The following CCDC171 variants were observed in gnomAD, a reference collection of about 807,000 sequenced individuals.
The protein encoded by CCDC171 is coiled-coil domain containing 171, also known as coiled-coil domain-containing protein 171.
CCDC171 carries 177 observed loss-of-function variants against 168.2 expected under a neutral mutation model. That is an observed-to-expected ratio of 1.05 (90% CI 0.93 to 1.19). CCDC171 has a LOEUF of 1.19. Ranked by LOEUF, CCDC171 falls within the 50% of genes most tolerant of loss-of-function variation. The probability of loss-of-function intolerance (pLI) is 0.00; values close to 1 mark genes in which losing one functional copy is unlikely to be tolerated. For missense variants in CCDC171, 1,991 were observed against 1,539.0 expected, an observed-to-expected ratio of 1.29 and a Z score of -4.91; for synonymous variants, 687 against 540.8, an observed-to-expected ratio of 1.27 and a Z score of -3.75.
chr9:15,745,428 TA>T, intron 17 of CCDC171, 86 bp from the exon 18 acceptor site: 1 of 745,624 alleles, frequency 1.3e-6, no homozygotes, highest in East Asian at 3.0e-5. Flanking sequence ...ATCTGTTTCT[TA>T]AATAGCTGAA....
chr9:15,606,357 A>C (rs2043225524), intron 6 of CCDC171, among the ~76,000 whole-genome samples: 1 of 152,230 alleles, frequency 6.6e-6, no homozygotes, highest in African/African-American at 2.4e-5. Context: ...TTCTTCGTGT[A>C]AATGCCTAGA....
chr9:16,000,131 G>T (rs1048798751), intron 3 of CCDC171, among the ~76,000 whole-genome samples: 3 of 152,268 alleles, frequency 2.0e-5, no homozygotes, highest in African/African-American at 7.2e-5. Flanking sequence ...CATCATATGA[G>T]AGTCACATTG....
At chr9:15,763,163 G>T (rs1418730284) in intron 18 of CCDC171, among the ~76,000 whole-genome samples, 1 of 152,186 alleles carries the variant, frequency 6.6e-6, no homozygotes, top group African/African-American at 2.4e-5. Context: ...GACACATAGG[G>T]TGAAGTCTGG....
chr9:15,625,662 T>C (rs557283827), intron 7 of CCDC171, among the ~76,000 whole-genome samples: 48 of 152,360 alleles, frequency 3.2e-4, no homozygotes, highest in Non-Finnish European at 4.9e-4. Context: ...CTCTGTTCTG[T>C]TCCATTGGTC....
At chr9:16,012,246 T>C (rs1211543194) in intron 3 of CCDC171, among the ~76,000 whole-genome samples, 1 of 152,200 alleles carries the variant, frequency 6.6e-6, no homozygotes, top group Non-Finnish European at 1.5e-5. Context: ...ATGTGGCCTG[T>C]CTTTTTTTGC....
At chr9:15,626,471 G>A (rs199682036) in intron 7 of CCDC171, among the ~76,000 whole-genome samples, 1 of 151,962 alleles carries the variant, frequency 6.6e-6, no homozygotes, top group Admixed American at 6.6e-5. Flanking sequence ...AGCTCTTATT[G>A]TTTTGATATA....
intron 24 of CCDC171, chr9:15,875,779 T>A (rs745572528): frequency 3.3e-5 from 5 of 152,012 alleles, no homozygotes; most frequent in Non-Finnish European, 7.4e-5. Context: ...AGGAAAAAAA[T>A]ACTCATTGCT....
At chr9:15,660,500 G>A (rs939687770) in intron 8 of CCDC171, among the ~76,000 whole-genome samples, 2 of 152,118 alleles carry the variant, frequency 1.3e-5, no homozygotes, top group South Asian at 4.2e-4. Context: ...AGTCCCCAGT[G>A]TGTATTGCTG....
intron 10 of CCDC171, among the ~76,000 whole-genome samples, chr9:15,682,807 T>G (rs1312007550): frequency 6.6e-6 from 1 of 151,948 alleles, no homozygotes; most frequent in African/African-American, 2.4e-5. Context: ...ATAAAAAGTT[T>G]TGATTGGAAA....
At chr9:15,657,845 G>A (rs903282163) in intron 8 of CCDC171, among the ~76,000 whole-genome samples, 16 of 152,268 alleles carry the variant, frequency 1.1e-4, no homozygotes, top group Non-Finnish European at 2.1e-4. Flanking sequence ...TATCCTTTTT[G>A]CTATGCTTTA....
intron 3 of CCDC171, among the ~76,000 whole-genome samples, chr9:15,994,662 T>C (rs1832313453): frequency 6.6e-6 from 1 of 152,218 alleles, no homozygotes; most frequent in Admixed American, 6.5e-5. Context: ...CTCTAGTCCT[T>C]CAGTAAGCCC....
chr9:15,976,178 T>C (rs1831614045), downstream of CCDC171, among the ~76,000 whole-genome samples: 2 of 152,200 alleles, frequency 1.3e-5, no homozygotes, highest in African/African-American at 4.8e-5. Context: ...TGTGGTAATT[T>C]GTGGCAATAT....
intron 4 of CCDC171, chr9:15,587,518 T>A (rs1020457574): frequency 1.8e-5 from 7 of 383,784 alleles, no homozygotes; most frequent in African/African-American, 6.3e-5. Flanking sequence ...CTCTTTCTTT[T>A]GTAAATTGCC....
At chr9:15,783,838 A>G (rs566971231) in intron 20 of CCDC171, among the ~76,000 whole-genome samples, 1 of 152,130 alleles carries the variant, frequency 6.6e-6, no homozygotes, top group South Asian at 2.1e-4. Flanking sequence ...ATATATGAGT[A>G]TTATTTCATT....
intron 1 of CCDC171, among the ~76,000 whole-genome samples, chr9:15,562,798 G>C (rs558835999): frequency 3.3e-5 from 5 of 152,178 alleles, no homozygotes; most frequent in Admixed American, 3.3e-4. Flanking sequence ...ATTCCTTCTG[G>C]GTTCTAACTC....
intron 21 of CCDC171, among the ~76,000 whole-genome samples, chr9:15,799,984 A>G (rs1442029664): frequency 6.6e-6 from 1 of 152,122 alleles, no homozygotes; most frequent in African/African-American, 2.4e-5. Context: ...GTAATACTCT[A>G]TTGTGTATAA....
chr9:15,724,849 C>G lies in CCDC171; in HGVS notation c.1565C>G (p.Ala522Gly). The change falls in exon 14 of 26, where the codon GCT (alanine) becomes GGT (glycine). Residue 522 changes from alanine (A) to glycine (G), a missense_variant. By Grantham distance (60) the Ala-to-Gly change is moderately conservative. Coordinates refer to ENST00000380701, the MANE Select transcript of CCDC171 (RefSeq NM_173550.4). ...HLHTKCADRE[A>G]LISTLKVELQ... ...CACACTAAATGTGCAGACCGAGAGG[C>G]TTTAATAAGCACTTTAAAAGTGGAA... is the stretch of plus-strand genomic sequence containing the variant. 1 of 1,613,724 alleles carries G rather than the reference C, an allele frequency of 6.2e-7. No homozygotes were observed. Among genetic ancestry groups the G allele is most frequent in the South Asian group, 1.1e-5 (1 of 91,082 alleles).
downstream of CCDC171, among the ~76,000 whole-genome samples, chr9:16,062,031 C>T (rs1369450252): frequency 6.6e-6 from 1 of 152,136 alleles, no homozygotes; most frequent in Non-Finnish European, 1.5e-5. Flanking sequence ...AGGAATTGTA[C>T]AATTCACTGT....
intron 2 of CCDC171, among the ~76,000 whole-genome samples, chr9:15,569,852 A>AAACAAAAC (rs1563957755): frequency 1.6e-5 from 2 of 126,134 alleles, no homozygotes; most frequent in African/African-American, 5.3e-5. Context: ...CAAACAAAAA[A>AAACAAAAC]AAAATTTCTA....
Sources: gnomAD v4.1 joint callset for allele counts (sites outside exome capture counted in the v4.1 genomes callset) on GRCh38, gnomAD v4.1.1 for gene constraint, MANE v1.5 for transcripts, NCBI Gene and HGNC (gene_info 2026-07-23, HGNC 2026-07-21) for gene names.